The following GALK2 variants were observed in gnomAD, a reference collection of about 807,000 sequenced individuals.
The protein encoded by GALK2 is N-acetylgalactosamine kinase.
GALK2 carries 36 observed loss-of-function variants against 52.4 expected under a neutral mutation model. The ratio of observed to expected loss-of-function variants is 0.69; its 90% CI spans 0.53 to 0.91. The LOEUF is 0.91. Among genes scored for constraint, GALK2 ranks in the 40% least tolerant of loss-of-function variants. GALK2 has a pLI of 0.00. For synonymous variants in GALK2, 176 were observed against 199.1 expected, an observed-to-expected ratio of 0.88 and a Z score of 0.98; for missense variants, 579 against 559.1, an observed-to-expected ratio of 1.04 and a Z score of -0.36.
intron 8 of GALK2, among the ~76,000 whole-genome samples, chr15:49,299,057 A>AT (rs1252446142): frequency 6.6e-6 from 1 of 151,930 alleles, no homozygotes; most frequent in East Asian, 1.9e-4. Context: ...TGGTTGGTAG[A>AT]TTTTTTATTA....
At chr15:49,274,323 A>G (rs909965029) in intron 5 of GALK2, among the ~76,000 whole-genome samples, 3 of 152,248 alleles carry the variant, frequency 2.0e-5, no homozygotes, top group Admixed American at 1.3e-4. Context: ...ACTGAATACT[A>G]TAGGCAGTTG....
chr15:49,355,979 C>G (rs2151350148), intron 3 of GALK2, among the ~76,000 whole-genome samples: 1 of 151,498 alleles, frequency 6.6e-6, no homozygotes, highest in Middle Eastern at 3.4e-3. Flanking sequence ...AATTTCATAT[C>G]CAGCCAAACT....
intron 4 of GALK2, among the ~76,000 whole-genome samples, chr15:49,238,364 C>A (rs1291409998): frequency 6.6e-6 from 1 of 152,174 alleles, no homozygotes; most frequent in African/African-American, 2.4e-5. Flanking sequence ...CTGATTATTT[C>A]TTTGGGCTTT....
intron 1 of GALK2, among the ~76,000 whole-genome samples, chr15:49,160,839 A>C (rs1002171978): frequency 1.3e-5 from 2 of 151,644 alleles, no homozygotes; most frequent in African/African-American, 4.8e-5. Context: ...GTGCCACTGC[A>C]CTCTAGCCTG....
At chr15:49,205,126 T>C (rs952162233) in intron 2 of GALK2, among the ~76,000 whole-genome samples, 6 of 152,164 alleles carry the variant, frequency 3.9e-5, no homozygotes, top group East Asian at 1.9e-4. Context: ...GGTTCCGCGA[T>C]TGGGTTGGTT....
At chr15:49,292,711 C>T (rs2279192) in intron 8 of GALK2, among the ~76,000 whole-genome samples, 174 bp downstream of exon 8, 9,039 of 152,248 alleles carry the variant, frequency 0.059, 529 homozygotes, top group African/African-American at 0.14. Context: ...CTTTCATTCA[C>T]CACTATGCTG....
chr15:49,349,658 C>CTGA (rs772014125), intron 3 of GALK2, among the ~76,000 whole-genome samples: 8 of 152,114 alleles, frequency 5.3e-5, no homozygotes, highest in Non-Finnish European at 1.0e-4. Context: ...CAGAGATTCA[C>CTGA]TGATCAGAAA....
At chr15:49,169,241 G>A (rs2084929174), upstream of GALK2, 1 of 152,122 alleles carries the variant, frequency 6.6e-6, no homozygotes. Flanking sequence ...CCCCTAGTGT[G>A]TTGGGCATGT....
At chr15:49,360,655 C>T (rs1389382114) in intron 3 of GALK2, among the ~76,000 whole-genome samples, 1 of 152,108 alleles carries the variant, frequency 6.6e-6, no homozygotes, top group Non-Finnish European at 1.5e-5. Context: ...ATGCATTCAG[C>T]TCTAAATCCT....
intron 2 of GALK2, among the ~76,000 whole-genome samples, chr15:49,206,062 G>T (rs1007319454): frequency 6.6e-6 from 1 of 151,966 alleles, no homozygotes; most frequent in African/African-American, 2.4e-5. Flanking sequence ...GTTTATTTGT[G>T]CGTTCTCTAT....
intron 1 of GALK2, chr15:49,170,591 T>C (rs1566898758): frequency 1.8e-6 from 1 of 554,560 alleles, no homozygotes; most frequent in Non-Finnish European, 3.2e-6. Context: ...GTATGTTTTT[T>C]TCTTCATCCA....
intron 3 of GALK2, among the ~76,000 whole-genome samples, chr15:49,230,393 GAA>G (rs2090435722): frequency 6.6e-6 from 1 of 152,174 alleles, no homozygotes; most frequent in Non-Finnish European, 1.5e-5. Flanking sequence ...TACCCACGCT[GAA>G]GAGCCTCTCC....
chr15:49,187,579 G>A (rs1003770065), intron 1 of GALK2, among the ~76,000 whole-genome samples: 1 of 152,152 alleles, frequency 6.6e-6, no homozygotes, highest in African/African-American at 2.4e-5. Context: ...ATAGAGTAAG[G>A]AACCTTAGGA....
chr15:49,354,347 A>C (rs1445658522), intron 3 of GALK2, among the ~76,000 whole-genome samples: 1 of 152,188 alleles, frequency 6.6e-6, no homozygotes, highest in African/African-American at 2.4e-5. Flanking sequence ...GGTTCATCTC[A>C]CTAGGGAGTG....
At position 49,328,313 on chromosome 15, in the gene GALK2, C is replaced by G. The variant is rs542597283; in HGVS notation, c.*154C>G. ...ATTTTCAAAGAAATGGTTGAAAGCT[C>G]TCTATGCTTCATAATGATTCTTTTT... On this transcript the variant is annotated 3_prime_UTR_variant, in exon 10 of 10. Coordinates refer to ENST00000560031, the MANE Select transcript of GALK2 (RefSeq NM_002044.4). The G allele has an allele frequency of 7.0e-7, 1 of 1,433,582 alleles. No homozygotes were observed. Among genetic ancestry groups the G allele is most frequent in the East Asian group, 2.5e-5 (1 of 39,978 alleles). The allele number at this position is 1,433,582 out of a possible 1,614,324, so 88.8% of individuals were successfully genotyped here. A position where few individuals can be genotyped will look rare whatever the true frequency, so the allele number is the denominator to read the frequency against.
At chr15:49,318,282 C>T (rs981113798) in intron 8 of GALK2, 1 of 152,092 alleles carries the variant, frequency 6.6e-6, no homozygotes, top group African/African-American at 2.4e-5. Flanking sequence ...GCTGAAATTA[C>T]AGTGTCACTG....
intron 8 of GALK2, among the ~76,000 whole-genome samples, chr15:49,313,680 T>C (rs2036177138): frequency 6.6e-6 from 1 of 152,252 alleles, no homozygotes; most frequent in Non-Finnish European, 1.5e-5. Flanking sequence ...GGCTTTCCTG[T>C]CATTTGGAGC....
intron 5 of GALK2, among the ~76,000 whole-genome samples, chr15:49,277,861 C>T (rs1266598404): frequency 6.6e-6 from 1 of 152,190 alleles, no homozygotes; most frequent in African/African-American, 2.4e-5. Context: ...AGAGGTAGGG[C>T]CGCTGGGGAA....
chr15:49,332,861 C>T (rs899766735), downstream of GALK2, among the ~76,000 whole-genome samples: 6 of 152,110 alleles, frequency 3.9e-5, no homozygotes, highest in South Asian at 2.1e-4. Context: ...ATTACTTAGT[C>T]GGAGGTTCTC....
Sources: allele counts gnomAD v4.1 joint callset (sites outside exome capture counted in the v4.1 genomes callset), GRCh38; gene constraint gnomAD v4.1.1; transcripts MANE v1.5; gene names NCBI Gene and HGNC (gene_info 2026-07-23, HGNC 2026-07-21).